MPHOSPH8: variants seen among roughly 807,000 people sequenced by gnomAD.
MPHOSPH8 encodes M-phase phosphoprotein 8.
Under a neutral mutation model 87.3 loss-of-function variants are expected in MPHOSPH8, and 45 were observed. That is an observed-to-expected ratio of 0.52 (90% confidence interval 0.41 to 0.66). MPHOSPH8 has a LOEUF of 0.66. MPHOSPH8 is among the 30% of genes least tolerant of loss of function. The pLI, the probability that MPHOSPH8 is intolerant of heterozygous loss-of-function variation, is 0.00. For synonymous variants in MPHOSPH8, 366 were observed against 376.9 expected, an observed-to-expected ratio of 0.97 and a Z score of 0.33; for missense variants, 883 against 1,020.2, an observed-to-expected ratio of 0.87 and a Z score of 1.83.
intron 11 of MPHOSPH8, 148 bp from the exon 12 acceptor site, chr13:19,670,088 G>A: frequency 1.1e-6 from 1 of 885,306 alleles, no homozygotes; most frequent in Non-Finnish European, 1.8e-6. Context: ...GCTTTGAGAG[G>A]GCCAGCCTCC....
chr13:19,669,724 G>C (rs1382063096), intron 11 of MPHOSPH8, among the ~76,000 whole-genome samples: 3 of 150,836 alleles, frequency 2.0e-5, no homozygotes, highest in Non-Finnish European at 4.4e-5. Flanking sequence ...TGGCCAGGCT[G>C]ATCTTGAACT....
At chr13:19,663,605 T>C (rs1383277838) in intron 9 of MPHOSPH8, among the ~76,000 whole-genome samples, 1 of 152,200 alleles carries the variant, frequency 6.6e-6, no homozygotes, top group African/African-American at 2.4e-5. Context: ...TCCTGTGTTC[T>C]GGAACGTGGT....
At chr13:19,635,077 T>G (rs1873921080) in intron 1 of MPHOSPH8, among the ~76,000 whole-genome samples, 2 of 152,236 alleles carry the variant, frequency 1.3e-5, no homozygotes, top group South Asian at 4.1e-4. Context: ...GTCATTAATA[T>G]TGTTATTTGC....
chr13:19,668,681 T>C (rs77059472), intron 11 of MPHOSPH8, 150 bp downstream of exon 11: 28,023 of 871,876 alleles, frequency 0.032, 670 homozygotes, highest in South Asian at 0.076. Context: ...AGAGCCACTC[T>C]GGTGGAAGAG....
At position 19,666,507 on chromosome 13, in the gene MPHOSPH8, A is replaced by AG; in HGVS notation, c.2102_2103insG (p.Asn701LysfsTer2). ...TGCAATATTTTGTCAAAGCACCAGAATAGTGCCCTGCACTTTGCGAAGCAG... is the reference window on the plus strand; with the variant it reads ...TGCAATATTTTGTCAAAGCACCAGAAGTAGTGCCCTGCACTTTGCGAAGCAG... On this transcript the variant is annotated frameshift_variant, in exon 10 of 14. Transcript: ENST00000361479. LOFTEE classifies it high-confidence loss of function. The AG allele has an allele frequency of 6.2e-7, 1 of 1,611,762 alleles. No homozygotes were observed. The highest frequency in any genetic ancestry group is 2.2e-5 in the East Asian group (1 of 44,812).
rs1376238990 is a variant in MPHOSPH8 at position 19,646,428 on chromosome 13, T to C, written c.370-15T>C. The C allele has an allele frequency of 7.0e-7, 1 of 1,430,068 alleles. No individual in the cohort carries two copies. Among genetic ancestry groups the C allele is most frequent in the Non-Finnish European group, 9.2e-7 (1 of 1,089,580 alleles). The allele number at this position is 1,430,068 out of a possible 1,614,324, so 88.6% of individuals were successfully genotyped here. On this transcript the variant is annotated splice_polypyrimidine_tract_variant and intron_variant, in intron 2 of 13. Coordinates refer to ENST00000361479, the MANE Select transcript of MPHOSPH8 (RefSeq NM_017520.4). ...ATATGTTAATGAATATTTTAATCTG[T>C]TTTGTATTTTATAGAGACTATCCTT... is the stretch of plus-strand genomic sequence containing the variant.
chr13:19,641,093 A>G (rs571917245), intron 1 of MPHOSPH8, among the ~76,000 whole-genome samples: 8 of 152,308 alleles, frequency 5.3e-5, no homozygotes, highest in African/African-American at 1.9e-4. Flanking sequence ...TGGAATCAGA[A>G]TAGGACTTCA....
At chr13:19,668,938 C>G (rs1361272004) in intron 11 of MPHOSPH8, among the ~76,000 whole-genome samples, 1 of 152,200 alleles carries the variant, frequency 6.6e-6, no homozygotes, top group Non-Finnish European at 1.5e-5. Context: ...TCTCTAGCCT[C>G]TGCTCGACAG....
At chr13:19,641,747 C>T (rs541505037) in intron 1 of MPHOSPH8, among the ~76,000 whole-genome samples, 5 of 151,972 alleles carry the variant, frequency 3.3e-5, no homozygotes, top group Non-Finnish European at 5.9e-5. Context: ...GCGCTTGCCT[C>T]GGCCTCCCAA....
At chr13:19,646,060 A>G (rs978288740) in intron 2 of MPHOSPH8, among the ~76,000 whole-genome samples, 1 of 151,958 alleles carries the variant, frequency 6.6e-6, no homozygotes, top group African/African-American at 2.4e-5. Flanking sequence ...AACGTTTTGT[A>G]TTTGCATTGG....
At chr13:19,642,686 A>T (rs958573482) in intron 2 of MPHOSPH8, among the ~76,000 whole-genome samples, 3 of 130,490 alleles carry the variant, frequency 2.3e-5, no homozygotes, top group Non-Finnish European at 4.7e-5. Flanking sequence ...GACCTGGTTT[A>T]AAAAAAAAAA....
intron 8 of MPHOSPH8, among the ~76,000 whole-genome samples, chr13:19,662,499 T>TA (rs1875598452): frequency 1.3e-5 from 2 of 151,478 alleles, no homozygotes. Flanking sequence ...CTGCCTCAGT[T>TA]AAAGTGCTGG....
intron 8 of MPHOSPH8, among the ~76,000 whole-genome samples, chr13:19,662,495 C>T (rs1390018341): frequency 6.6e-6 from 1 of 152,128 alleles, no homozygotes; most frequent in East Asian, 1.9e-4. Context: ...CCTCCTGCCT[C>T]AGTTAAAGTG....
At chr13:19,642,377 AT>A in intron 2 of MPHOSPH8, 107 bp downstream of exon 2, 1 of 974,074 alleles carries the variant, frequency 1.0e-6, no homozygotes, top group South Asian at 2.4e-5. Context: ...AGTGTACCGT[AT>A]TCTTTAGTGT....
At position 19,648,470 on chromosome 13, in the gene MPHOSPH8, C is replaced by T. The variant is rs761957511; in HGVS notation, c.1267C>T (p.His423Tyr). ...NESKEKYQKR[H>Y]DSDKEEKGRK... is the part of the protein sequence containing the mutation. ...ATCCAAAGAAAAATATCAGAAAAGGCATGATTCTGACAAGGAAGAAAAAGG... is the reference window on the plus strand; with the variant it reads ...ATCCAAAGAAAAATATCAGAAAAGGTATGATTCTGACAAGGAAGAAAAAGG... The change falls in exon 4 of 14, where the codon CAT becomes TAT. Residue 423 changes from histidine (H) to tyrosine (Y), a missense_variant. His to Tyr is a moderately conservative substitution (Grantham distance 83). Transcript: ENST00000361479. 1 of 1,584,884 alleles carries T rather than the reference C, an allele frequency of 6.3e-7. No individual in the cohort carries two copies. Among genetic ancestry groups the T allele is most frequent in the Non-Finnish European group, 8.6e-7 (1 of 1,166,938 alleles).
rs776759760 is a variant in MPHOSPH8 at position 19,659,016 on chromosome 13, G to A, written c.1598G>A (p.Ser533Asn). 1 of 1,613,804 alleles carries A rather than the reference G, an allele frequency of 6.2e-7. No individual in the cohort carries two copies. The highest frequency in any genetic ancestry group is 1.1e-5 in the South Asian group (1 of 90,868). The change falls in exon 6 of 14, where the codon AGT (serine) becomes AAT (asparagine). Residue 533 changes from serine to asparagine, a missense_variant. Physicochemically the swap from Ser to Asn is conservative, Grantham distance 46. Around this residue, in one of 3 missense-constraint regions of MPHOSPH8, gnomAD observed 741 missense variants for 841.5 expected, o/e 0.88. Coordinates refer to ENST00000361479, the MANE Select transcript of MPHOSPH8 (RefSeq NM_017520.4). Reference sequence around the variant, plus strand: ...CCAGATGGCAGGCAGCAGATTCTGAGTTTGGGCATGGACCTGCAGTTGGAA... The same window carrying A: ...CCAGATGGCAGGCAGCAGATTCTGAATTTGGGCATGGACCTGCAGTTGGAA... The part of the protein sequence containing the change: ...ENSDGRQQIL[S>N]LGMDLQLEWM...
At chr13:19,666,361 A>G in intron 9 of MPHOSPH8, 64 bp from the exon 10 acceptor site, 1 of 1,473,526 alleles carries the variant, frequency 6.8e-7, no homozygotes, top group Non-Finnish European at 9.2e-7. Context: ...TGTATGGAGA[A>G]GGGACCAGCA....
chr13:19,643,653 G>A (rs1030195703), intron 2 of MPHOSPH8, among the ~76,000 whole-genome samples: 1 of 151,854 alleles, frequency 6.6e-6, no homozygotes, highest in African/African-American at 2.4e-5. Context: ...ACAAATATGG[G>A]TATTTTTTTT....
intron 9 of MPHOSPH8, among the ~76,000 whole-genome samples, chr13:19,663,735 A>G (rs531422822): frequency 6.6e-6 from 1 of 152,258 alleles, no homozygotes; most frequent in South Asian, 2.1e-4. Flanking sequence ...CTGTTAGGAT[A>G]TAGCAGGTCC....
Sources: allele counts gnomAD v4.1 joint callset (sites outside exome capture counted in the v4.1 genomes callset), GRCh38; gene constraint gnomAD v4.1.1; regional missense constraint gnomAD v4.1.1; transcripts MANE v1.5; gene names NCBI Gene and HGNC (gene_info 2026-07-23, HGNC 2026-07-21).